GABRG3: variants seen among roughly 807,000 people sequenced by gnomAD.
GABRG3 encodes gamma-aminobutyric acid receptor subunit gamma-3.
In GABRG3, 25 loss-of-function variants were observed where a neutral mutation model predicts 48.8. The ratio of observed to expected loss-of-function variants is 0.51; its 90% CI spans 0.37 to 0.72. The LOEUF is 0.72. Ranked by LOEUF, GABRG3 falls within the 30% of genes least tolerant of loss-of-function variation. The probability of loss-of-function intolerance (pLI) is 0.00; values close to 1 mark genes in which losing one functional copy is unlikely to be tolerated. For synonymous variants in GABRG3, 227 were observed against 217.6 expected, an observed-to-expected ratio of 1.04 and a Z score of -0.38; for missense variants, 394 against 577.9, an observed-to-expected ratio of 0.68 and a Z score of 3.26.
At chr15:27,438,071 G>C (rs1260207779) in intron 5 of GABRG3, among the ~76,000 whole-genome samples, 1 of 152,174 alleles carries the variant, frequency 6.6e-6, no homozygotes, top group Non-Finnish European at 1.5e-5. Flanking sequence ...ATTTCAACAT[G>C]AGATTTGGAG....
At chr15:26,996,644 A>G (rs1595461611) in intron 2 of GABRG3, among the ~76,000 whole-genome samples, 1 of 144,078 alleles carries the variant, frequency 6.9e-6, no homozygotes, top group East Asian at 2.3e-4. Flanking sequence ...TTATTTATTT[A>G]TTTATTTTAT....
chr15:27,013,026 G>A (rs961706006), intron 2 of GABRG3, among the ~76,000 whole-genome samples: 1 of 152,100 alleles, frequency 6.6e-6, no homozygotes, highest in South Asian at 2.1e-4. Context: ...TAGATTGGAA[G>A]GTGAAAGAAA....
chr15:27,021,571 T>A (rs959417745), intron 2 of GABRG3, among the ~76,000 whole-genome samples: 3 of 152,242 alleles, frequency 2.0e-5, no homozygotes, highest in African/African-American at 7.2e-5. Flanking sequence ...CTGAGTCCAG[T>A]GGCTTACACC....
chr15:27,427,264 TATCTG>T (rs1888320662), intron 5 of GABRG3, among the ~76,000 whole-genome samples: 3 of 152,336 alleles, frequency 2.0e-5, no homozygotes, highest in Non-Finnish European at 4.4e-5. Flanking sequence ...TACACAATCT[TATCTG>T]ATCTTAAAAA....
At chr15:27,358,962 C>G (rs911586788) in intron 5 of GABRG3, among the ~76,000 whole-genome samples, 12 of 152,228 alleles carry the variant, frequency 7.9e-5, no homozygotes, top group Non-Finnish European at 1.5e-4. Flanking sequence ...TCTAGGCTTT[C>G]CCTGGGGAGG....
At chr15:27,415,118 T>A (rs79559442) in intron 5 of GABRG3, among the ~76,000 whole-genome samples, 5,774 of 152,310 alleles carry the variant, frequency 0.038, 483 homozygotes, top group East Asian at 0.29. Flanking sequence ...TTTAAATAAG[T>A]ATTAAAGATG....
intron 5 of GABRG3, among the ~76,000 whole-genome samples, chr15:27,437,971 T>A (rs1888669065): frequency 6.6e-6 from 1 of 152,144 alleles, no homozygotes; most frequent in African/African-American, 2.4e-5. Flanking sequence ...CAGAACTCGC[T>A]CATCACTGAC....
chr15:27,097,006 A>ATTTTTTT (rs36057231), intron 3 of GABRG3, among the ~76,000 whole-genome samples: 2 of 131,720 alleles, frequency 1.5e-5, no homozygotes, highest in Non-Finnish European at 3.2e-5. Flanking sequence ...ATACCCGGCT[A>ATTTTTTT]TTTTTTTTTT....
intron 3 of GABRG3, among the ~76,000 whole-genome samples, chr15:27,147,362 G>C (rs1898228091): frequency 1.3e-5 from 2 of 152,020 alleles, no homozygotes; most frequent in Non-Finnish European, 2.9e-5. Flanking sequence ...TAAAATAGTG[G>C]TTGGCTTGTT....
At chr15:27,185,984 A>C (rs1771077886) in intron 3 of GABRG3, among the ~76,000 whole-genome samples, 1 of 151,268 alleles carries the variant, frequency 6.6e-6, no homozygotes, top group South Asian at 2.1e-4. Flanking sequence ...CAAGGTTTTT[A>C]AAATCTGTCT....
chr15:27,271,466 G>A (rs1381591347), intron 3 of GABRG3: 5 of 443,140 alleles, frequency 1.1e-5, no homozygotes, highest in African/African-American at 2.0e-5. Context: ...CACGCCCTCG[G>A]AGCTCAGGCC....
intron 3 of GABRG3, among the ~76,000 whole-genome samples, chr15:27,067,040 G>T (rs74731936): frequency 0.034 from 5,106 of 152,270 alleles, 80 homozygotes; most frequent in East Asian, 0.067. Context: ...GTACAGGAGT[G>T]CACTGTTCCT....
At chr15:27,069,694 A>G (rs188081595) in intron 3 of GABRG3, among the ~76,000 whole-genome samples, 118 of 152,372 alleles carry the variant, frequency 7.7e-4, no homozygotes, top group African/African-American at 2.5e-3. Context: ...ACTTTACTGG[A>G]TCTTCCAAAT....
At chr15:27,137,250 A>ATC (rs1163784068) in intron 3 of GABRG3, among the ~76,000 whole-genome samples, 2 of 152,108 alleles carry the variant, frequency 1.3e-5, no homozygotes, top group African/African-American at 4.8e-5. Flanking sequence ...CTCTCTTTGC[A>ATC]TCTCTCTCCT....
At position 27,527,648 on chromosome 15, in the gene GABRG3, G is replaced by A. The variant is rs202042920; in HGVS notation, c.1062+19G>A. 1.3e-6 allele frequency: 2 copies of A among 1,585,872 alleles called. No individual in the cohort carries two copies. Among genetic ancestry groups the A allele is most frequent in the Non-Finnish European group, 8.6e-7 (1 of 1,164,622 alleles). On this transcript the variant is annotated intron_variant, in intron 8 of 9. Coordinates refer to ENST00000615808, the MANE Select transcript of GABRG3 (RefSeq NM_033223.5). ...AACATCGGTGAGCTGCAGTAGCAAA[G>A]GTTCTCCGGGAGGTAATGGGGGCGC... is the stretch of plus-strand genomic sequence containing the variant.
intron 3 of GABRG3, among the ~76,000 whole-genome samples, chr15:27,146,817 A>T (rs1370040995): frequency 2.6e-5 from 4 of 152,176 alleles, no homozygotes; most frequent in Non-Finnish European, 4.4e-5. Context: ...GGACAAGGGG[A>T]TTAAAGTGAT....
At chr15:27,292,503 T>C (rs1342857878) in intron 3 of GABRG3, among the ~76,000 whole-genome samples, 1 of 152,194 alleles carries the variant, frequency 6.6e-6, no homozygotes. Flanking sequence ...TATGTATCAT[T>C]CTGGAAATTT....
chr15:27,084,518 G>T (rs916030449), intron 3 of GABRG3, among the ~76,000 whole-genome samples: 1 of 152,326 alleles, frequency 6.6e-6, no homozygotes, highest in African/African-American at 2.4e-5. Context: ...GAGAAGACTG[G>T]TCCTGGTGGT....
intron 3 of GABRG3, among the ~76,000 whole-genome samples, chr15:27,132,386 G>T (rs1374875417): frequency 1.3e-5 from 2 of 148,264 alleles, no homozygotes; most frequent in Admixed American, 1.4e-4. Flanking sequence ...TTATTGAAGA[G>T]AATTCTCCTG....
Sources: gnomAD v4.1 joint callset for allele counts (sites outside exome capture counted in the v4.1 genomes callset) on GRCh38, gnomAD v4.1.1 for gene constraint, MANE v1.5 for transcripts, NCBI Gene and HGNC (gene_info 2026-07-23, HGNC 2026-07-21) for gene names.